MTA1: variants seen among roughly 807,000 people sequenced by gnomAD.
MTA1 encodes metastasis associated 1, also known as metastasis-associated protein MTA1.
MTA1 carries 15 observed loss-of-function variants against 97.0 expected under a neutral mutation model. That is an observed-to-expected ratio of 0.15 (90% CI 0.10 to 0.24). The LOEUF is 0.24. Among genes scored for constraint, MTA1 ranks in the 10% least tolerant of loss-of-function variants. The probability of loss-of-function intolerance (pLI) is 1.00; values close to 1 mark genes in which losing one functional copy is unlikely to be tolerated. For missense variants in MTA1, 709 were observed against 1,015.1 expected (o/e 0.70, Z 4.10); for synonymous variants, 435 against 417.5 (o/e 1.04, Z -0.51).
At chr14:105,445,536 C>A (rs1555426910) in intron 3 of MTA1, 25 bp downstream of exon 3, 1 of 1,611,624 alleles carries the variant, frequency 6.2e-7, no homozygotes, top group South Asian at 1.1e-5. Context: ...CCCTGGGGTG[C>A]CCGCCTGGCG....
chr14:105,464,091 G>A lies in MTA1; in HGVS notation c.1136G>A (p.Gly379Asp). 1 of 1,612,404 alleles carries A rather than the reference G, an allele frequency of 6.2e-7. No individual in the cohort carries two copies. Among genetic ancestry groups the A allele is most frequent in the Non-Finnish European group, 8.5e-7 (1 of 1,179,760 alleles). ...AACGTCAAGGCCGGTGTGGTGAACG[G>A]CACGGGGGCGCCGGGCCAGAGCCCT... ...VNNVKAGVVN[G>D]TGAPGQSPGA... Residue 379 changes from glycine to aspartate, a missense_variant, in exon 13 of 21, where the codon GGC becomes GAC. Gly to Asp is a moderately conservative substitution (Grantham distance 94). Coordinates refer to ENST00000331320, the MANE Select transcript of MTA1 (RefSeq NM_004689.4).
At position 105,466,443 on chromosome 14, in the gene MTA1, C is replaced by G. The variant is rs587736328; in HGVS notation, c.1642C>G (p.Pro548Ala). 5.0e-6 allele frequency: 8 copies of G among 1,588,316 alleles called. No individual in the cohort carries two copies. Among genetic ancestry groups the G allele is most frequent in the South Asian group, 1.1e-5 (1 of 89,742 alleles). Residue 548 changes from proline to alanine, a missense_variant, in exon 17 of 21, where the codon CCC becomes GCC. By Grantham distance (27) the Pro-to-Ala change is conservative. Coordinates refer to ENST00000331320, the MANE Select transcript of MTA1 (RefSeq NM_004689.4). ...LRYLETHPRP[P>A]KPDPVKSVSS... ...CCCGGCAGAGACCCACCCCCGCCCC[C>G]CCAAGCCTGACCCCGTGAAAAGCGT...
chr14:105,426,090 C>T (rs1397784126), intron 1 of MTA1, among the ~76,000 whole-genome samples: 2 of 152,134 alleles, frequency 1.3e-5, no homozygotes, highest in African/African-American at 4.8e-5. Context: ...GCCCCCAGAG[C>T]CCTTTCACGG....
At chr14:105,451,306 C>G (rs587689667) in intron 6 of MTA1, among the ~76,000 whole-genome samples, 1 of 152,364 alleles carries the variant, frequency 6.6e-6, no homozygotes, top group Admixed American at 6.5e-5. Flanking sequence ...GCGTGAAGGG[C>G]GACAGTGGCT....
chr14:105,441,412 C>T lies in MTA1; in HGVS notation c.96+2673C>T, dbSNP rs587599894. Among the ~76,000 whole-genome samples the T allele has an allele frequency of 2.1e-4, 32 of 152,100 alleles. 1 individual carries two copies. The Middle Eastern group carries it at 0.017, about 81-fold the overall frequency. ...GCCCATGCAGCGAGCTGCCCAGCACCGGGGAGGCTCCCAGGGATGAAAAGC... is the reference window on the plus strand; with the variant it reads ...GCCCATGCAGCGAGCTGCCCAGCACTGGGGAGGCTCCCAGGGATGAAAAGC... On this transcript the variant is annotated intron_variant, in intron 2 of 20. Transcript: ENST00000331320.
chr14:105,449,114 A>C (rs1010598434), intron 3 of MTA1: 27 of 491,258 alleles, frequency 5.5e-5, no homozygotes, highest in African/African-American at 4.6e-4. Context: ...GGGGCCCTCC[A>C]CAGCCAGGCT....
chr14:105,469,635 G>T, intron 19 of MTA1, 137 bp downstream of exon 19: 1 of 1,222,368 alleles, frequency 8.2e-7, no homozygotes, highest in Non-Finnish European at 1.2e-6. Flanking sequence ...AGGGGCTGCA[G>T]CATGTGGGGG....
intron 1 of MTA1, among the ~76,000 whole-genome samples, chr14:105,430,945 G>A (rs1031166219): frequency 6.6e-6 from 1 of 152,108 alleles, no homozygotes; most frequent in African/African-American, 2.4e-5. Context: ...TACCGTGGTG[G>A]GGTTGAATAT....
At chr14:105,432,559 A>C (rs782302211) in intron 1 of MTA1, among the ~76,000 whole-genome samples, 2 of 152,212 alleles carry the variant, frequency 1.3e-5, no homozygotes, top group Non-Finnish European at 2.9e-5. Flanking sequence ...AAAAGCGCCG[A>C]AATTGGAAAA....
intron 4 of MTA1, among the ~76,000 whole-genome samples, chr14:105,449,781 C>T (rs887600344): frequency 1.3e-5 from 2 of 152,214 alleles, no homozygotes; most frequent in Admixed American, 1.3e-4. Flanking sequence ...ACCTTGTTCT[C>T]CCTCCTCCTT....
At chr14:105,440,259 G>T (rs1408960273) in intron 2 of MTA1, among the ~76,000 whole-genome samples, 1 of 152,374 alleles carries the variant, frequency 6.6e-6, no homozygotes, top group East Asian at 1.9e-4. Context: ...AGCACTTTAC[G>T]CATCCCAGCA....
At chr14:105,431,183 C>T (rs1555423267) in intron 1 of MTA1, among the ~76,000 whole-genome samples, 1 of 152,228 alleles carries the variant, frequency 6.6e-6, no homozygotes, top group African/African-American at 2.4e-5. Flanking sequence ...CTGCCTCAGC[C>T]TCCCGAGTAG....
intron 13 of MTA1, 24 bp downstream of exon 13, chr14:105,464,171 G>A (rs782578155): frequency 5.0e-6 from 8 of 1,595,756 alleles, no homozygotes; most frequent in East Asian, 2.2e-5. Context: ...ATGGCCGGGG[G>A]CACACCGCAC....
At chr14:105,447,751 T>A (rs1221761567) in intron 3 of MTA1, among the ~76,000 whole-genome samples, 1 of 152,164 alleles carries the variant, frequency 6.6e-6, no homozygotes, top group Non-Finnish European at 1.5e-5. Flanking sequence ...CTGCCGCTGG[T>A]CCAGGGACTC....
chr14:105,466,478 G>C lies in MTA1; in HGVS notation c.1677G>C (p.Val559=). ...KPDPVKSVSS[V]LSSLTPAKVA... is the part of the protein sequence containing the mutation. ...ACCCCGTGAAAAGCGTGTCCAGCGT[G>C]CTCAGCAGCCTGACGCCCGCCAAGG... Residue 559 remains valine (V), a synonymous_variant, in exon 17 of 21, where the codon GTG becomes GTC. Coordinates refer to ENST00000331320, the MANE Select transcript of MTA1 (RefSeq NM_004689.4). 6.2e-7 allele frequency: 1 copy of C among 1,600,808 alleles called. No individual in the cohort carries two copies. The highest frequency in any genetic ancestry group is 1.7e-5 in the Admixed American group (1 of 58,850).
chr14:105,429,331 G>A (rs2141423729), intron 1 of MTA1, among the ~76,000 whole-genome samples: 1 of 152,350 alleles, frequency 6.6e-6, no homozygotes, highest in Non-Finnish European at 1.5e-5. Context: ...TGTCGCCCAG[G>A]CTGGAGTGCG....
At chr14:105,444,485 A>G (rs144214416) in intron 2 of MTA1, among the ~76,000 whole-genome samples, 2 of 152,248 alleles carry the variant, frequency 1.3e-5, no homozygotes, top group African/African-American at 2.4e-5. Flanking sequence ...GTGAGACCCT[A>G]TCTCAAAAAA....
chr14:105,467,930 C>T (rs1292296655), intron 18 of MTA1: 2 of 247,164 alleles, frequency 8.1e-6, no homozygotes, highest in South Asian at 8.8e-5. Context: ...CTGAATTTTC[C>T]ACACCTCACA....
At chr14:105,452,143 T>A (rs999783808) in intron 6 of MTA1, among the ~76,000 whole-genome samples, 1 of 152,224 alleles carries the variant, frequency 6.6e-6, no homozygotes, top group East Asian at 1.9e-4. Context: ...AATATGGGAA[T>A]TTAATGTAAC....
Sources: gnomAD v4.1 joint callset for allele counts (sites outside exome capture counted in the v4.1 genomes callset) on GRCh38, gnomAD v4.1.1 for gene constraint, MANE v1.5 for transcripts, NCBI Gene and HGNC (gene_info 2026-07-23, HGNC 2026-07-21) for gene names.